MDFIC2: variants seen among roughly 807,000 people sequenced by gnomAD.
MDFIC2 encodes myoD family inhibitor domain-containing protein 2.
intron 2 of MDFIC2, among the ~76,000 whole-genome samples, chr3:70,259,681 C>T (rs1306257940): frequency 6.6e-6 from 1 of 152,156 alleles, no homozygotes; most frequent in Non-Finnish European, 1.5e-5. Flanking sequence ...ATATTAGTTT[C>T]CCATGGCTAC....
At chr3:70,252,078 A>G (rs1195159210) in intron 2 of MDFIC2, among the ~76,000 whole-genome samples, 4 of 152,306 alleles carry the variant, frequency 2.6e-5, no homozygotes, top group Middle Eastern at 6.8e-3. Flanking sequence ...TAAGTCTTTC[A>G]ATTCTAAGCT....
At chr3:70,208,363 C>T (rs1240271807) in intron 2 of MDFIC2, among the ~76,000 whole-genome samples, 1 of 152,014 alleles carries the variant, frequency 6.6e-6, no homozygotes, top group African/African-American at 2.4e-5. Flanking sequence ...ATATTCTTGC[C>T]AAGTCCATCT....
chr3:70,275,807 A>G (rs1702019448), intron 2 of MDFIC2, among the ~76,000 whole-genome samples: 1 of 152,228 alleles, frequency 6.6e-6, no homozygotes, highest in South Asian at 2.1e-4. Context: ...GACCTGGTAA[A>G]TAAATTCCAT....
Position 70,196,708 on chromosome 3 carries a change from G to T in MDFIC2, c.*218C>A, listed in dbSNP as rs963388115. Reference sequence around the variant, plus strand: ...AGATTTGTTCATCACATGTGATCAAGAATCTTATTTTTCAGTGAGCCATGC... The same window carrying T: ...AGATTTGTTCATCACATGTGATCAATAATCTTATTTTTCAGTGAGCCATGC... On this transcript the variant is annotated 3_prime_UTR_variant, in exon 4 of 4. Coordinates refer to ENST00000567252, the MANE Select transcript of MDFIC2 (RefSeq NM_001364677.1). Among the ~76,000 whole-genome samples the T allele has an allele frequency of 3.3e-5, 5 of 152,158 alleles. No individual in the cohort carries two copies. Among genetic ancestry groups the T allele is most frequent in the Non-Finnish European group, 5.9e-5 (4 of 68,024 alleles).
At chr3:70,213,947 A>G (rs963762876) in intron 2 of MDFIC2, among the ~76,000 whole-genome samples, 3 of 152,114 alleles carry the variant, frequency 2.0e-5, no homozygotes, top group African/African-American at 7.2e-5. Flanking sequence ...AGAAAAGCAT[A>G]ATAAAAGGTG....
intron 2 of MDFIC2, among the ~76,000 whole-genome samples, chr3:70,261,724 T>C (rs953909066): frequency 6.6e-6 from 1 of 152,158 alleles, no homozygotes; most frequent in Non-Finnish European, 1.5e-5. Flanking sequence ...AAGCCAAAAC[T>C]GCAAGTCATA....
chr3:70,263,966 C>T lies in MDFIC2; in HGVS notation c.88+47920G>A, dbSNP rs113694651. 3.6e-4 allele frequency among the ~76,000 whole-genome samples: 55 copies of T among 152,266 alleles called. 1 individual carries two copies. Among genetic ancestry groups the T allele is most frequent in the African/African-American group, 1.3e-3 (55 of 41,554 alleles). ...TTTCTAGTTCTTTAGGTGTCAACAG[C>T]AGAAGGATGATTCAGGCTCTCCTAC... On this transcript the variant is annotated intron_variant, in intron 2 of 3. Coordinates refer to ENST00000567252, the MANE Select transcript of MDFIC2 (RefSeq NM_001364677.1).
chr3:70,210,729 A>C (rs1330525424), intron 2 of MDFIC2, among the ~76,000 whole-genome samples: 2 of 152,100 alleles, frequency 1.3e-5, no homozygotes, highest in Non-Finnish European at 2.9e-5. Flanking sequence ...TTTTACCAAT[A>C]GTTAAAAACA....
intron 2 of MDFIC2, among the ~76,000 whole-genome samples, chr3:70,216,691 A>C (rs1236737021): frequency 6.6e-6 from 1 of 152,158 alleles, no homozygotes; most frequent in Non-Finnish European, 1.5e-5. Flanking sequence ...ATTGAAAAAC[A>C]TACTCAGGTC....
intron 2 of MDFIC2, among the ~76,000 whole-genome samples, chr3:70,310,128 T>C (rs1185897030): frequency 6.6e-6 from 1 of 152,132 alleles, no homozygotes; most frequent in Non-Finnish European, 1.5e-5. Context: ...TCCTTCTACA[T>C]TGTTTTTAAA....
chr3:70,227,009 G>GA (rs1224140891), intron 2 of MDFIC2, among the ~76,000 whole-genome samples: 3 of 151,974 alleles, frequency 2.0e-5, no homozygotes, highest in Admixed American at 6.6e-5. Flanking sequence ...GATGGACCTC[G>GA]AAAAAATACA....
At chr3:70,260,869 G>C (rs1326998937) in intron 2 of MDFIC2, among the ~76,000 whole-genome samples, 4 of 152,022 alleles carry the variant, frequency 2.6e-5, no homozygotes, top group Non-Finnish European at 5.9e-5. Context: ...CCTCCAGTTA[G>C]AGAATGTACC....
At chr3:70,272,008 C>G (rs1701980476) in intron 2 of MDFIC2, 1 of 152,266 alleles carries the variant, frequency 6.6e-6, no homozygotes, top group Non-Finnish European at 1.5e-5. Flanking sequence ...GGTGATCCGC[C>G]TGCCTTGGCC....
chr3:70,286,025 G>A (rs1702159365), intron 2 of MDFIC2, among the ~76,000 whole-genome samples: 1 of 151,872 alleles, frequency 6.6e-6, no homozygotes, highest in African/African-American at 2.4e-5. Flanking sequence ...TCACTCTGAT[G>A]GTAGTTTCTT....
chr3:70,311,706 AG>A (rs1702454536), intron 2 of MDFIC2, among the ~76,000 whole-genome samples, 179 bp downstream of exon 2: 1 of 152,144 alleles, frequency 6.6e-6, no homozygotes, highest in South Asian at 2.1e-4. Context: ...TTAATAATAA[AG>A]ATCCTCAAAC....
rs558193897 is a variant in MDFIC2, at chr3:70,311,333, A to C, written c.88+553T>G. 2.6e-5 allele frequency among the ~76,000 whole-genome samples: 4 copies of C among 152,306 alleles called. No homozygotes were observed. The East Asian group carries it at 5.8e-4, about 22-fold the overall frequency. ...AATCACAGGTTTAGCTGTATTTTCA[A>C]AAGTGCGCAAATCTGTACTCATTAG... is the stretch of plus-strand genomic sequence containing the variant. On this transcript the variant is annotated intron_variant, in intron 2 of 3. Coordinates refer to ENST00000567252, the MANE Select transcript of MDFIC2 (RefSeq NM_001364677.1).
At chr3:70,220,076 A>G (rs1175531000) in intron 2 of MDFIC2, among the ~76,000 whole-genome samples, 1 of 152,190 alleles carries the variant, frequency 6.6e-6, no homozygotes. Flanking sequence ...AACTAGATCA[A>G]ATGAGAAATA....
intron 2 of MDFIC2, among the ~76,000 whole-genome samples, chr3:70,263,874 TTCTC>T (rs1212273415): frequency 6.6e-6 from 1 of 152,128 alleles, no homozygotes; most frequent in African/African-American, 2.4e-5. Context: ...TTTGTTTCCT[TTCTC>T]TCGGGGTTCA....
chr3:70,237,979 C>CTTTTTGTTTT (rs1701628018), intron 2 of MDFIC2, among the ~76,000 whole-genome samples: 1 of 48,932 alleles, frequency 2.0e-5, no homozygotes, highest in African/African-American at 1.1e-4. Context: ...TGAGTGGTAT[C>CTTTTTGTTTT]TTTTTTTTTT....
Sources: allele counts gnomAD v4.1 joint callset (sites outside exome capture counted in the v4.1 genomes callset), GRCh38; gene constraint gnomAD v4.1.1; transcripts MANE v1.5; gene names NCBI Gene and HGNC (gene_info 2026-07-23, HGNC 2026-07-21).